Variants in MALRD1 observed in about 807,000 individuals in gnomAD.
The protein encoded by MALRD1 is MAM and LDL-receptor class A domain-containing protein 1.
A neutral mutation model predicts 242.1 loss-of-function variants in MALRD1; 247 were observed. The observed-to-expected ratio is 1.02, with a 90% CI of 0.92 to 1.13. The LOEUF (loss-of-function observed/expected upper bound fraction) is 1.13. MALRD1 is among the 50% of genes most tolerant of loss of function. The probability of loss-of-function intolerance (pLI) is 0.00; values close to 1 mark genes in which losing one functional copy is unlikely to be tolerated. For synonymous variants in MALRD1, 995 were observed against 866.6 expected (o/e 1.15, Z -2.60); for missense variants, 2,989 against 2,533.1 (o/e 1.18, Z -3.86).
chr10:19,159,143 A>C (rs1834290084), intron 12 of MALRD1, among the ~76,000 whole-genome samples: 1 of 152,164 alleles, frequency 6.6e-6, no homozygotes, highest in East Asian at 1.9e-4. Flanking sequence ...CCTCAGCATA[A>C]GCTTGTTCAG....
At chr10:19,680,670 C>A (rs1253233196) in intron 36 of MALRD1, among the ~76,000 whole-genome samples, 1 of 152,056 alleles carries the variant, frequency 6.6e-6, no homozygotes, top group Non-Finnish European at 1.5e-5. Flanking sequence ...TGAATGTGAT[C>A]CTGTCATCAT....
chr10:19,581,506 G>T (rs7923164), intron 33 of MALRD1, among the ~76,000 whole-genome samples: 74,615 of 149,434 alleles, frequency 0.5, 18,480 homozygotes, highest in Non-Finnish European at 0.52. Context: ...TACTGAGAAT[G>T]ATGATTTCCA....
chr10:19,610,036 C>CA (rs1838824355), intron 35 of MALRD1, among the ~76,000 whole-genome samples: 6 of 151,920 alleles, frequency 3.9e-5, no homozygotes, highest in Non-Finnish European at 5.9e-5. Flanking sequence ...AAACACTTCT[C>CA]AGGCAAGTAC....
intron 28 of MALRD1, among the ~76,000 whole-genome samples, chr10:19,430,293 T>A (rs1282841704): frequency 6.6e-5 from 10 of 151,552 alleles, no homozygotes; most frequent in Admixed American, 5.9e-4. Flanking sequence ...TTTGTTTTTG[T>A]ATTTTTAGTA....
intron 21 of MALRD1, among the ~76,000 whole-genome samples, chr10:19,317,995 T>C (rs1379268421): frequency 6.6e-6 from 1 of 152,052 alleles, no homozygotes; most frequent in African/African-American, 2.4e-5. Flanking sequence ...AAAGATATGC[T>C]TCTATAAAAT....
intron 20 of MALRD1, among the ~76,000 whole-genome samples, chr10:19,280,601 A>G (rs1840755526): frequency 6.6e-6 from 1 of 152,152 alleles, no homozygotes; most frequent in South Asian, 2.1e-4. Flanking sequence ...AATTTATTCA[A>G]ATTTTGCCAT....
intron 21 of MALRD1, among the ~76,000 whole-genome samples, chr10:19,309,456 T>C (rs1009417818): frequency 2.6e-5 from 4 of 151,666 alleles, no homozygotes; most frequent in South Asian, 2.1e-4. Context: ...CTCTACAGTA[T>C]ATCTGTAGTA....
chr10:19,456,301 G>T (rs1455401962), intron 29 of MALRD1, among the ~76,000 whole-genome samples: 4 of 152,126 alleles, frequency 2.6e-5, no homozygotes, highest in African/African-American at 9.7e-5. Context: ...TGTCTTCAAA[G>T]ATAATGTAAA....
Position 19,474,775 on chromosome 10 carries a change from C to T in MALRD1, c.5030-16742C>T, listed in dbSNP as rs367577083. Among the ~76,000 whole-genome samples, 25 of 152,124 alleles carry T rather than the reference C, an allele frequency of 1.6e-4. No homozygotes were observed. The East Asian group carries it at 2.9e-3, about 18-fold the overall frequency. On this transcript the variant is annotated intron_variant, in intron 29 of 39. Transcript: ENST00000454679. Reference sequence around the variant, plus strand: ...AGAACTTTCAACATTTCCTATAAATCAAGAACTGTTTTGTCAACTTTATAT... The same window carrying T: ...AGAACTTTCAACATTTCCTATAAATTAAGAACTGTTTTGTCAACTTTATAT...
At chr10:19,500,499 A>G (rs1376464864) in intron 31 of MALRD1, among the ~76,000 whole-genome samples, 1 of 152,258 alleles carries the variant, frequency 6.6e-6, no homozygotes, top group African/African-American at 2.4e-5. Context: ...TACAATCTAG[A>G]TAAAGACTTA....
chr10:19,185,569 A>G (rs1050220991), intron 14 of MALRD1, among the ~76,000 whole-genome samples: 1 of 152,188 alleles, frequency 6.6e-6, no homozygotes, highest in African/African-American at 2.4e-5. Context: ...TCAAACTAGT[A>G]TATCTGCTAA....
chr10:19,070,939 C>T (rs1835127695), intron 2 of MALRD1, among the ~76,000 whole-genome samples: 1 of 147,860 alleles, frequency 6.8e-6, no homozygotes, highest in South Asian at 2.1e-4. Flanking sequence ...ACAGCCTCTG[C>T]CTCCCAGGTT....
intron 36 of MALRD1, among the ~76,000 whole-genome samples, chr10:19,646,500 G>C (rs1313295844): frequency 6.6e-6 from 1 of 152,158 alleles, no homozygotes; most frequent in Non-Finnish European, 1.5e-5. Flanking sequence ...AGCTACTTGG[G>C]AGGCTGAGGC....
At chr10:19,668,785 T>C (rs1406044571) in intron 36 of MALRD1, among the ~76,000 whole-genome samples, 5 of 149,954 alleles carry the variant, frequency 3.3e-5, no homozygotes, top group Non-Finnish European at 5.9e-5. Context: ...AAAAAAAGAG[T>C]ATAAAGGAAA....
intron 10 of MALRD1, among the ~76,000 whole-genome samples, chr10:19,141,223 C>G (rs1833529173): frequency 6.6e-6 from 1 of 152,292 alleles, no homozygotes; most frequent in African/African-American, 2.4e-5. Flanking sequence ...ATCTAATTTT[C>G]AGACACACGC....
chr10:19,515,408 A>G (rs1414206561), intron 31 of MALRD1, among the ~76,000 whole-genome samples: 2 of 152,156 alleles, frequency 1.3e-5, no homozygotes, highest in Non-Finnish European at 2.9e-5. Flanking sequence ...ATGTGTACTA[A>G]CAGTTTAAAC....
At chr10:19,436,756 C>T (rs1834365984) in intron 28 of MALRD1, among the ~76,000 whole-genome samples, 1 of 152,148 alleles carries the variant, frequency 6.6e-6, no homozygotes, top group South Asian at 2.1e-4. Context: ...TGGCATACTT[C>T]AAAACTCCTA....
intron 36 of MALRD1, among the ~76,000 whole-genome samples, chr10:19,684,358 A>G (rs1471048926): frequency 6.6e-6 from 1 of 152,196 alleles, no homozygotes. Context: ...TGCTCAATAA[A>G]TATTTCTTAT....
intron 21 of MALRD1, among the ~76,000 whole-genome samples, chr10:19,307,117 TAAAC>T (rs1344556558): frequency 1.3e-5 from 2 of 151,568 alleles, no homozygotes; most frequent in Non-Finnish European, 3.0e-5. Flanking sequence ...AGTTATGACA[TAAAC>T]AATATTATTG....
Sources: gnomAD v4.1 joint callset for allele counts (sites outside exome capture counted in the v4.1 genomes callset) on GRCh38, gnomAD v4.1.1 for gene constraint, MANE v1.5 for transcripts, NCBI Gene and HGNC (gene_info 2026-07-23, HGNC 2026-07-21) for gene names.